Variants in SNX10 observed in about 807,000 individuals in gnomAD.
The protein encoded by SNX10 is sorting nexin-10.
A neutral mutation model predicts 28.5 loss-of-function variants in SNX10; 25 were observed. The ratio of observed to expected loss-of-function variants is 0.88; its 90% CI spans 0.64 to 1.22. The LOEUF is 1.22. SNX10 is among the 50% of genes most tolerant of loss of function. SNX10 has a pLI of 0.00. For missense variants in SNX10, 223 were observed against 242.6 expected, an observed-to-expected ratio of 0.92 and a Z score of 0.54; for synonymous variants, 62 against 81.4, an observed-to-expected ratio of 0.76 and a Z score of 1.28.
chr7:26,363,732 C>G (rs1482034835), intron 3 of SNX10, among the ~76,000 whole-genome samples: 1 of 151,016 alleles, frequency 6.6e-6, no homozygotes, highest in Non-Finnish European at 1.5e-5. Context: ...TTTTCCAAGT[C>G]TGCCTTAGGA....
chr7:26,345,292 G>A (rs1788337269), intron 1 of SNX10, among the ~76,000 whole-genome samples: 1 of 152,132 alleles, frequency 6.6e-6, no homozygotes. Flanking sequence ...CACGATCTCT[G>A]GACCATAGGG....
At chr7:26,339,692 G>A (rs113439815) in intron 1 of SNX10, among the ~76,000 whole-genome samples, 5,085 of 151,754 alleles carry the variant, frequency 0.034, 211 homozygotes, top group African/African-American at 0.11. Flanking sequence ...GATTACAGGC[G>A]CCTGCCACCA....
intron 5 of SNX10, among the ~76,000 whole-genome samples, chr7:26,365,513 C>T: frequency 6.6e-6 from 1 of 152,284 alleles, no homozygotes; most frequent in Admixed American, 6.5e-5. Flanking sequence ...CTTTACAATG[C>T]TTAGAATTTA....
At chr7:26,371,614 A>G (rs1420762319) in intron 5 of SNX10, among the ~76,000 whole-genome samples, 1 of 152,164 alleles carries the variant, frequency 6.6e-6, no homozygotes, top group African/African-American at 2.4e-5. Flanking sequence ...TATTAGCTTC[A>G]TGTTTTTACC....
intron 2 of SNX10, among the ~76,000 whole-genome samples, chr7:26,346,800 C>T (rs984983741): frequency 1.3e-5 from 2 of 152,254 alleles, no homozygotes; most frequent in Admixed American, 6.5e-5. Context: ...CTGAATTCTC[C>T]TTCCTTCAGG....
intron 2 of SNX10, chr7:26,357,168 C>T (rs1410374884): frequency 2.5e-5 from 9 of 355,310 alleles, no homozygotes; most frequent in Non-Finnish European, 4.3e-5. Context: ...TGAGTAGGGA[C>T]TATGCCCAAG....
chr7:26,305,614 T>G (rs1170756823), intron 1 of SNX10, among the ~76,000 whole-genome samples: 1 of 152,192 alleles, frequency 6.6e-6, no homozygotes, highest in Non-Finnish European at 1.5e-5. Context: ...CCTGAGAAAC[T>G]GAGCTCTTTC....
chr7:26,341,728 A>C (rs997257646), intron 1 of SNX10, among the ~76,000 whole-genome samples: 1 of 152,004 alleles, frequency 6.6e-6, no homozygotes, highest in African/African-American at 2.4e-5. Flanking sequence ...CAAATTATCT[A>C]TCTGCTTCAG....
chr7:26,333,560 A>G (rs1787819828), intron 1 of SNX10, among the ~76,000 whole-genome samples: 3 of 151,494 alleles, frequency 2.0e-5, no homozygotes, highest in Non-Finnish European at 4.4e-5. Flanking sequence ...TCCTGACCTC[A>G]TGATCCGCCC....
chr7:26,364,496 T>C lies in SNX10; in HGVS notation c.112-39T>C, dbSNP rs765958663. The C allele has an allele frequency of 6.4e-7, 1 of 1,564,324 alleles. No homozygotes were observed. The highest frequency in any genetic ancestry group is 8.7e-7 in the Non-Finnish European group (1 of 1,154,790). Reference sequence around the variant, plus strand: ...TATAGATACAAGAAATGCATTTTTTTCCTCAGGTAAGACTCATTTTTCTAC... The same window carrying C: ...TATAGATACAAGAAATGCATTTTTTCCCTCAGGTAAGACTCATTTTTCTAC... On this transcript the variant is annotated intron_variant, in intron 3 of 6. Coordinates refer to ENST00000338523, the MANE Select transcript of SNX10 (RefSeq NM_013322.3). This position sits in a 1 kb window ranked among gnomAD's most constrained non-coding sequence, Gnocchi z 4.9.
intron 5 of SNX10, 69 bp from the exon 6 acceptor site, chr7:26,371,752 T>G (rs1423923442): frequency 9.0e-7 from 1 of 1,109,092 alleles, no homozygotes; most frequent in African/African-American, 1.6e-5. Flanking sequence ...TTTCTAATGT[T>G]TTTCTTTCTT....
At chr7:26,294,209 T>C (rs1203984682) in intron 1 of SNX10, among the ~76,000 whole-genome samples, 1 of 152,196 alleles carries the variant, frequency 6.6e-6, no homozygotes, top group Non-Finnish European at 1.5e-5. Flanking sequence ...CCAAACATCT[T>C]TTTCTTAGTA....
chr7:26,305,104 G>T (rs11505457), intron 1 of SNX10, among the ~76,000 whole-genome samples: 2 of 152,152 alleles, frequency 1.3e-5, no homozygotes, highest in African/African-American at 4.8e-5. Flanking sequence ...ACTACCATGT[G>T]TTTTGTTAGT....
intron 2 of SNX10, 153 bp from the exon 3 acceptor site, chr7:26,360,822 C>T (rs1789034676): frequency 2.1e-6 from 3 of 1,452,310 alleles, no homozygotes; most frequent in Non-Finnish European, 2.7e-6. Flanking sequence ...GTGCCTGATT[C>T]ATTAACTTTA....
intron 1 of SNX10, among the ~76,000 whole-genome samples, chr7:26,334,605 C>T (rs1787855146): frequency 6.6e-6 from 1 of 152,088 alleles, no homozygotes; most frequent in Non-Finnish European, 1.5e-5. Context: ...TAAATTTGGC[C>T]TACTATCAAG....
At chr7:26,327,413 TCTGGAGTGCAATATATCAC>T (rs1384474423) in intron 1 of SNX10, among the ~76,000 whole-genome samples, 1 of 152,236 alleles carries the variant, frequency 6.6e-6, no homozygotes, top group Non-Finnish European at 1.5e-5. Flanking sequence ...AGTGTCTTCA[TCTGGAGTGCAATATATCAC>T]CTGGTTGCTG....
chr7:26,313,440 TGA>T (rs1004870232), intron 1 of SNX10, among the ~76,000 whole-genome samples: 1 of 152,246 alleles, frequency 6.6e-6, no homozygotes, highest in Non-Finnish European at 1.5e-5. Flanking sequence ...CTTTTTTGGC[TGA>T]GTTTGCTTAA....
chr7:26,336,246 C>T (rs1468455643), intron 1 of SNX10, among the ~76,000 whole-genome samples: 2 of 152,112 alleles, frequency 1.3e-5, no homozygotes, highest in African/African-American at 4.8e-5. Flanking sequence ...AACAAATGCA[C>T]TGTAATCTTT....
intron 5 of SNX10, among the ~76,000 whole-genome samples, chr7:26,371,495 T>C (rs1050624995): frequency 2.6e-5 from 4 of 152,298 alleles, no homozygotes; most frequent in Middle Eastern, 3.4e-3. Flanking sequence ...AGAATAACTT[T>C]CTATGACTAT....
Sources: gnomAD v4.1 joint callset for allele counts (sites outside exome capture counted in the v4.1 genomes callset) on GRCh38, gnomAD v4.1.1 for gene constraint, Gnocchi (gnomAD v3.1) non-coding constraint, MANE v1.5 for transcripts, NCBI Gene and HGNC (gene_info 2026-07-23, HGNC 2026-07-21) for gene names.